Variants in ITPR2 observed in about 807,000 individuals in gnomAD.
ITPR2 encodes the protein inositol 1,4,5-trisphosphate-gated calcium channel ITPR2.
Under a neutral mutation model 317.1 loss-of-function variants are expected in ITPR2, and 207 were observed. The ratio of observed to expected loss-of-function variants is 0.65; its 90% CI spans 0.58 to 0.73. The LOEUF is 0.73. Among genes scored for constraint, ITPR2 ranks in the 30% least tolerant of loss-of-function variants. The pLI is 0.00. For missense variants in ITPR2, 2,613 were observed against 3,284.0 expected (o/e 0.80, Z 4.99); for synonymous variants, 1,156 against 1,149.1 (o/e 1.01, Z -0.12).
intron 35 of ITPR2, among the ~76,000 whole-genome samples, chr12:26,558,538 T>G (rs1425131756): frequency 6.6e-6 from 1 of 152,244 alleles, no homozygotes; most frequent in Non-Finnish European, 1.5e-5. Flanking sequence ...TGTCTTCATC[T>G]TAATCACTCC....
rs370829643 is a variant in ITPR2, at chr12:26,670,364, C to T, written c.1410-4313G>A. Among the ~76,000 whole-genome samples, 6 of 152,262 alleles carry T rather than the reference C, an allele frequency of 3.9e-5. No individual in the cohort carries two copies. In the East Asian group the frequency reaches 9.6e-4, roughly 24 times the overall value. On this transcript the variant is annotated intron_variant, in intron 13 of 56. Coordinates refer to ENST00000381340, the MANE Select transcript of ITPR2 (RefSeq NM_002223.4). ...CTCTGAGACAAAACTTCCAGAGGAA[C>T]GATCAGACAGCAGCACTCACGGTTC...
intron 10 of ITPR2, among the ~76,000 whole-genome samples, chr12:26,693,397 C>G (rs1250226744): frequency 2.0e-5 from 3 of 152,142 alleles, no homozygotes; most frequent in Non-Finnish European, 4.4e-5. Context: ...TTGTGCTGTT[C>G]CATAGAACCT....
intron 45 of ITPR2, among the ~76,000 whole-genome samples, chr12:26,455,379 T>C (rs1378217308): frequency 6.8e-6 from 1 of 148,110 alleles, no homozygotes; most frequent in Admixed American, 6.7e-5. Flanking sequence ...AAGGTCAGCT[T>C]TTGTGAGATA....
At chr12:26,537,580 C>T (rs1424905854) in intron 37 of ITPR2, among the ~76,000 whole-genome samples, 2 of 152,162 alleles carry the variant, frequency 1.3e-5, no homozygotes, top group Non-Finnish European at 1.5e-5. Context: ...CAACATCATT[C>T]CAGCTATGTG....
chr12:26,688,930 AC>A (rs1365274915), intron 10 of ITPR2, among the ~76,000 whole-genome samples: 17 of 152,192 alleles, frequency 1.1e-4, no homozygotes, highest in African/African-American at 4.1e-4. Flanking sequence ...TCTTTAAATA[AC>A]TCAATAATAT....
intron 26 of ITPR2, among the ~76,000 whole-genome samples, chr12:26,604,240 T>A (rs1420257192): frequency 6.6e-6 from 1 of 152,208 alleles, no homozygotes; most frequent in Non-Finnish European, 1.5e-5. Context: ...CACTCAGCTT[T>A]ATATTTTTCT....
intron 34 of ITPR2, among the ~76,000 whole-genome samples, chr12:26,569,464 G>C (rs904593340): frequency 6.6e-6 from 1 of 151,560 alleles, no homozygotes. Context: ...TGAGATGGGA[G>C]GATTACTTGA....
chr12:26,470,721 T>A (rs1942274854), intron 45 of ITPR2, among the ~76,000 whole-genome samples: 1 of 152,188 alleles, frequency 6.6e-6, no homozygotes, highest in Non-Finnish European at 1.5e-5. Context: ...ACAAGCACCA[T>A]CATAAACTGT....
intron 2 of ITPR2, among the ~76,000 whole-genome samples, chr12:26,732,015 A>G (rs1592079220): frequency 6.6e-6 from 1 of 151,350 alleles, no homozygotes; most frequent in South Asian, 2.1e-4. Context: ...CAAACCAAAC[A>G]TCTATCCCCC....
intron 32 of ITPR2, among the ~76,000 whole-genome samples, chr12:26,589,014 T>C (rs1945615705): frequency 6.6e-6 from 1 of 152,146 alleles, no homozygotes; most frequent in African/African-American, 2.4e-5. Context: ...CCCCTGACTA[T>C]CAACAACAAT....
At position 26,600,012 on chromosome 12, in the gene ITPR2, TG is replaced by T; in HGVS notation, c.3775del (p.His1259IlefsTer2). 6.2e-7 allele frequency: 1 copy of T among 1,606,472 alleles called. No homozygotes were observed. The highest frequency in any genetic ancestry group is 8.5e-7 in the Non-Finnish European group (1 of 1,173,498). On this transcript the variant is annotated frameshift_variant, in exon 29 of 57. Coordinates refer to ENST00000381340, the MANE Select transcript of ITPR2 (RefSeq NM_002223.4). LOFTEE classifies it high-confidence loss of function. ...NPQNQVLLHK[H>X]LNLFLTPGLL... ...ACCTGGAGTTAAAAACAAATTCAGA[TG>T]TTTATGAAGAAGAACTTGATTCTGT...
intron 1 of ITPR2, among the ~76,000 whole-genome samples, chr12:26,799,272 T>C (rs545480575): frequency 1.2e-4 from 19 of 152,312 alleles, no homozygotes; most frequent in African/African-American, 4.1e-4. Flanking sequence ...CACTAAACTT[T>C]GAAGTACTAC....
At chr12:26,412,971 G>T (rs1476116700) in intron 51 of ITPR2, among the ~76,000 whole-genome samples, 1 of 152,152 alleles carries the variant, frequency 6.6e-6, no homozygotes, top group East Asian at 1.9e-4. Flanking sequence ...CTATAGGTGG[G>T]GAAGCCACAT....
At chr12:26,346,571 TGAGATCATTAACACA>T (rs1425291782) in intron 55 of ITPR2, among the ~76,000 whole-genome samples, 3 of 151,204 alleles carry the variant, frequency 2.0e-5, no homozygotes, top group Non-Finnish European at 4.4e-5. Flanking sequence ...TGCAGTGAGC[TGAGATCATTAACACA>T]GCACTGCAGC....
chr12:26,622,914 C>T (rs1202575819), intron 24 of ITPR2, among the ~76,000 whole-genome samples: 2 of 152,206 alleles, frequency 1.3e-5, no homozygotes, highest in African/African-American at 4.8e-5. Context: ...AAAGGTCCAT[C>T]TGTTTCAAGA....
intron 26 of ITPR2, among the ~76,000 whole-genome samples, chr12:26,605,550 A>G (rs973088553): frequency 1.3e-5 from 2 of 152,208 alleles, no homozygotes; most frequent in African/African-American, 4.8e-5. Flanking sequence ...GAAAGCTGTT[A>G]AAAAGGCAGG....
intron 55 of ITPR2, among the ~76,000 whole-genome samples, chr12:26,366,594 G>C (rs1939019134): frequency 6.6e-6 from 1 of 152,110 alleles, no homozygotes; most frequent in South Asian, 2.1e-4. Flanking sequence ...AAGTTTTAAA[G>C]AGAATACTCC....
chr12:26,538,328 C>G (rs886891464), intron 37 of ITPR2, among the ~76,000 whole-genome samples: 24 of 151,602 alleles, frequency 1.6e-4, no homozygotes, highest in African/African-American at 5.8e-4. Context: ...AATATATCCC[C>G]CACAAACACA....
intron 55 of ITPR2, among the ~76,000 whole-genome samples, chr12:26,386,852 AC>A (rs1939680558): frequency 6.6e-6 from 1 of 152,200 alleles, no homozygotes; most frequent in South Asian, 2.1e-4. Context: ...ATCATGGACA[AC>A]CACATCCTCT....
Sources: allele counts gnomAD v4.1 joint callset (sites outside exome capture counted in the v4.1 genomes callset), GRCh38; gene constraint gnomAD v4.1.1; transcripts MANE v1.5; gene names NCBI Gene and HGNC (gene_info 2026-07-23, HGNC 2026-07-21).